VPS13B: variants seen among roughly 807,000 people sequenced by gnomAD.
The protein encoded by VPS13B is intermembrane lipid transfer protein VPS13B.
Under a neutral mutation model 426.4 loss-of-function variants are expected in VPS13B, and 285 were observed. That is an observed-to-expected ratio of 0.67 (90% CI 0.61 to 0.74). The LOEUF (loss-of-function observed/expected upper bound fraction) is 0.74. VPS13B is among the 30% of genes least tolerant of loss of function. VPS13B has a pLI of 0.00. For synonymous variants in VPS13B, 1,676 were observed against 1,676.4 expected (o/e 1.00, Z 0.01); for missense variants, 4,537 against 4,782.6 (o/e 0.95, Z 1.51).
intron 35 of VPS13B, 96 bp from the exon 36 acceptor site, chr8:99,699,429 C>G: frequency 7.3e-7 from 1 of 1,364,122 alleles, no homozygotes; most frequent in Non-Finnish European, 1.0e-6. Context: ...TAATATGGAT[C>G]TTGGGACACT....
At chr8:99,787,151 A>G (rs1479109124) in intron 43 of VPS13B, among the ~76,000 whole-genome samples, 4 of 152,152 alleles carry the variant, frequency 2.6e-5, no homozygotes, top group Non-Finnish European at 5.9e-5. Context: ...ACTTAACTCC[A>G]CTAAACAATG....
Position 99,699,255 on chromosome 8 carries a change from T to C in VPS13B, c.6047-270T>C, listed in dbSNP as rs1384601462. 2.6e-5 allele frequency among the ~76,000 whole-genome samples: 4 copies of C among 151,264 alleles called. No homozygotes were observed. The East Asian group carries it at 7.9e-4, about 30-fold the overall frequency. On this transcript the variant is annotated intron_variant, in intron 35 of 61. Transcript: ENST00000357162. ...GTGGAAATTGACAGCCTTGATATCC[T>C]TGTGTGGCCCTCGATGTATCAGGGC...
At chr8:99,127,867 G>C (rs1809513931) in intron 8 of VPS13B, among the ~76,000 whole-genome samples, 2 of 152,010 alleles carry the variant, frequency 1.3e-5, no homozygotes, top group Admixed American at 1.3e-4. Context: ...GACATGCATT[G>C]GTTTTATTTT....
chr8:99,279,406 C>T (rs562322421), intron 19 of VPS13B, among the ~76,000 whole-genome samples: 13 of 152,002 alleles, frequency 8.6e-5, no homozygotes, highest in Admixed American at 4.6e-4. Flanking sequence ...CTTACAGAGG[C>T]GCACCACCAC....
At chr8:99,681,432 G>T (rs1011761052) in intron 35 of VPS13B, among the ~76,000 whole-genome samples, 3 of 152,226 alleles carry the variant, frequency 2.0e-5, no homozygotes, top group African/African-American at 7.2e-5. Flanking sequence ...TCCCTCCAGG[G>T]TGAGGGACTT....
intron 39 of VPS13B, among the ~76,000 whole-genome samples, chr8:99,730,234 T>C (rs1448330360): frequency 6.6e-6 from 1 of 152,132 alleles, no homozygotes; most frequent in Non-Finnish European, 1.5e-5. Flanking sequence ...AAGCCAGATA[T>C]GAAATTCATT....
intron 39 of VPS13B, among the ~76,000 whole-genome samples, chr8:99,743,950 G>A (rs2130494946): frequency 6.6e-6 from 1 of 152,230 alleles, no homozygotes; most frequent in East Asian, 1.9e-4. Context: ...AAAAGCAATG[G>A]CAACAAAAGC....
chr8:99,418,797 G>T (rs982480825), intron 21 of VPS13B, among the ~76,000 whole-genome samples: 23 of 152,142 alleles, frequency 1.5e-4, no homozygotes, highest in African/African-American at 5.6e-4. Context: ...CTTTTGTCAA[G>T]GCCTGGTTTC....
chr8:99,249,585 G>A (rs1407544277), intron 17 of VPS13B, among the ~76,000 whole-genome samples: 1 of 151,876 alleles, frequency 6.6e-6, no homozygotes, highest in Non-Finnish European at 1.5e-5. Flanking sequence ...CACCACGCCC[G>A]GCTAATTTTT....
intron 17 of VPS13B, among the ~76,000 whole-genome samples, chr8:99,230,570 C>T (rs1032166193): frequency 1.3e-5 from 2 of 152,174 alleles, no homozygotes; most frequent in Admixed American, 6.5e-5. Context: ...CTTCTCAGTA[C>T]CAAAGTTTGA....
chr8:99,047,076 C>A (rs1049022931), intron 3 of VPS13B, among the ~76,000 whole-genome samples: 2 of 152,084 alleles, frequency 1.3e-5, no homozygotes, highest in African/African-American at 4.8e-5. Context: ...CTTTCTCTAT[C>A]ATGTGGAATA....
Position 99,260,432 on chromosome 8 carries a change from G to A in VPS13B, c.2516-13766G>A, listed in dbSNP as rs1364057183. Among the ~76,000 whole-genome samples, 4 of 152,152 alleles carry A rather than the reference G, an allele frequency of 2.6e-5. 1 individual carries two copies. Among genetic ancestry groups the A allele is most frequent in the South Asian group, 4.1e-4 (2 of 4,822 alleles). On this transcript the variant is annotated intron_variant, in intron 17 of 61. Coordinates refer to ENST00000357162, the MANE Select transcript of VPS13B (RefSeq NM_152564.5). ...TGAAACTCTGGTGTGCTAAAGATAAGCATGAACCCTTAAAAGCAACCAGAG... is the reference window on the plus strand; with the variant it reads ...TGAAACTCTGGTGTGCTAAAGATAAACATGAACCCTTAAAAGCAACCAGAG...
At chr8:99,294,365 G>T (rs964518893) in intron 19 of VPS13B, among the ~76,000 whole-genome samples, 2 of 123,944 alleles carry the variant, frequency 1.6e-5, no homozygotes, top group African/African-American at 6.2e-5. Context: ...ACAGGAAGGG[G>T]AATATCACAC....
chr8:99,423,517 T>C, intron 21 of VPS13B, among the ~76,000 whole-genome samples: 1 of 151,542 alleles, frequency 6.6e-6, no homozygotes, highest in Admixed American at 6.6e-5. Context: ...ATCCACCCAC[T>C]TCAGCCTCCC....
chr8:99,051,505 C>T (rs895511956), intron 3 of VPS13B, among the ~76,000 whole-genome samples: 2 of 151,660 alleles, frequency 1.3e-5, no homozygotes, highest in Non-Finnish European at 2.9e-5. Context: ...ATTGACTTGG[C>T]AGTGCAGGCT....
At chr8:99,063,329 T>C (rs1458125522) in intron 3 of VPS13B, among the ~76,000 whole-genome samples, 1 of 152,206 alleles carries the variant, frequency 6.6e-6, no homozygotes, top group African/African-American at 2.4e-5. Context: ...AGGGAAGCTG[T>C]GACAGACGGT....
At chr8:99,121,675 A>G in intron 8 of VPS13B, 1 of 1,196,164 alleles carries the variant, frequency 8.4e-7, no homozygotes, top group Non-Finnish European at 1.1e-6. Context: ...TATTAGCTTC[A>G]TGGATAGTTT....
In VPS13B at chr8:99,853,819, T is replaced by C. The variant is rs1266734967; in HGVS notation, c.10430T>C (p.Phe3477Ser). ...KELEEYKEKC[F>S]IKLCITLNEG... is the part of the protein sequence containing the mutation. ...TTGGAAGAATACAAGGAAAAATGTTTTATCAAACTTTGCATCACCTTAAAT... is the reference window on the plus strand; with the variant it reads ...TTGGAAGAATACAAGGAAAAATGTTCTATCAAACTTTGCATCACCTTAAAT... Residue 3477 changes from phenylalanine to serine, a missense_variant, in exon 56 of 62, where the codon TTT becomes TCT. Phe to Ser is a radical substitution (Grantham distance 155, BLOSUM62 -2). This residue lies in a region of VPS13B where 4,311 missense variants were observed against 4,474.3 expected (regional missense o/e 0.96). Coordinates refer to ENST00000357162, the MANE Select transcript of VPS13B (RefSeq NM_152564.5). The C allele has an allele frequency of 6.2e-7, 1 of 1,614,242 alleles. No homozygotes were observed. The highest frequency in any genetic ancestry group is 8.5e-7 in the Non-Finnish European group (1 of 1,180,046).
intron 21 of VPS13B, among the ~76,000 whole-genome samples, chr8:99,397,547 G>A (rs1334800720): frequency 6.6e-6 from 1 of 152,060 alleles, no homozygotes; most frequent in Non-Finnish European, 1.5e-5. Context: ...GCTTAAGTTT[G>A]GCTGAAAATA....
Sources: allele counts gnomAD v4.1 joint callset (sites outside exome capture counted in the v4.1 genomes callset), GRCh38; gene constraint gnomAD v4.1.1; regional missense constraint gnomAD v4.1.1; transcripts MANE v1.5; gene names NCBI Gene and HGNC (gene_info 2026-07-23, HGNC 2026-07-21).